SPIDR: variants seen among roughly 807,000 people sequenced by gnomAD.
The protein encoded by SPIDR is scaffold protein involved in DNA repair.
Under a neutral mutation model 104.6 loss-of-function variants are expected in SPIDR, and 93 were observed. The ratio of observed to expected loss-of-function variants is 0.89; its 90% CI spans 0.75 to 1.06. SPIDR has a LOEUF of 1.06. Among genes scored for constraint, SPIDR ranks in the 50% least tolerant of loss-of-function variants. SPIDR has a pLI of 0.00. For synonymous variants in SPIDR, 431 were observed against 416.9 expected, an observed-to-expected ratio of 1.03 and a Z score of -0.41; for missense variants, 1,154 against 1,111.2, an observed-to-expected ratio of 1.04 and a Z score of -0.55.
At chr8:47,587,011 C>A (rs2154416320) in intron 8 of SPIDR, among the ~76,000 whole-genome samples, 1 of 152,312 alleles carries the variant, frequency 6.6e-6, no homozygotes, top group East Asian at 1.9e-4. Context: ...CTCAGTTGAT[C>A]CGTCAGCCTT....
At chr8:47,678,830 A>G (rs1173615675) in intron 11 of SPIDR, among the ~76,000 whole-genome samples, 2 of 152,174 alleles carry the variant, frequency 1.3e-5, no homozygotes, top group Non-Finnish European at 2.9e-5. Flanking sequence ...TCTAAACACC[A>G]AATTTGATTT....
intron 5 of SPIDR, among the ~76,000 whole-genome samples, chr8:47,326,958 T>C (rs1204240378): frequency 2.0e-5 from 3 of 152,202 alleles, no homozygotes; most frequent in Non-Finnish European, 4.4e-5. Flanking sequence ...TGGATATATA[T>C]GAAGGAGTGA....
intron 7 of SPIDR, among the ~76,000 whole-genome samples, chr8:47,429,344 T>C (rs1167094191): frequency 6.6e-6 from 1 of 152,218 alleles, no homozygotes; most frequent in Non-Finnish European, 1.5e-5. Flanking sequence ...CATTTCTCAC[T>C]GCCCCCTTTC....
At position 47,345,455 on chromosome 8, in the gene SPIDR, C is replaced by T. The variant is rs1010321152; in HGVS notation, c.526-50921C>T. On this transcript the variant is annotated intron_variant, in intron 5 of 19. Transcript: ENST00000297423. The stretch of plus-strand genomic sequence containing the variant: ...TGACTTGGCAATGCGGGCTCTTTTT[C>T]GGTTCCATATGAACGCTAAAACACT... Among the ~76,000 whole-genome samples, 8 of 152,208 alleles carry T rather than the reference C, an allele frequency of 5.3e-5. No homozygotes were observed. The South Asian group carries it at 1.5e-3, about 28-fold the overall frequency.
intron 5 of SPIDR, among the ~76,000 whole-genome samples, chr8:47,380,756 G>GC (rs1436885113): frequency 1.3e-5 from 2 of 152,172 alleles, no homozygotes; most frequent in African/African-American, 4.8e-5. Context: ...AACTATGGGT[G>GC]TAGCTTGTTA....
intron 8 of SPIDR, chr8:47,592,285 T>C (rs1341736751): frequency 8.7e-6 from 10 of 1,145,870 alleles, no homozygotes; most frequent in African/African-American, 1.5e-5. Context: ...CCTGGGTTGA[T>C]AGCAGAACTG....
At chr8:47,274,122 A>G (rs1315229405) in intron 1 of SPIDR, among the ~76,000 whole-genome samples, 14 of 152,292 alleles carry the variant, frequency 9.2e-5, no homozygotes, top group Admixed American at 7.8e-4. Flanking sequence ...CACTTAGGAA[A>G]TTGCAAGAGT....
At chr8:47,581,530 T>G (rs2059692915) in intron 8 of SPIDR, among the ~76,000 whole-genome samples, 1 of 152,156 alleles carries the variant, frequency 6.6e-6, no homozygotes, top group South Asian at 2.1e-4. Flanking sequence ...TATCTCTCCC[T>G]GTATAAGGCG....
intron 5 of SPIDR, chr8:47,357,866 TGAA>T: frequency 1.0e-6 from 1 of 984,998 alleles, no homozygotes; most frequent in East Asian, 1.1e-4. Context: ...TAAGGCCACA[TGAA>T]GGTCAGTAAA....
chr8:47,656,026 A>G (rs1474065202), intron 10 of SPIDR, among the ~76,000 whole-genome samples: 5 of 152,226 alleles, frequency 3.3e-5, no homozygotes, highest in Admixed American at 3.3e-4. Context: ...TAAAAGAATT[A>G]AGGTGGACAC....
intron 8 of SPIDR, among the ~76,000 whole-genome samples, chr8:47,550,846 C>T (rs1018149972): frequency 2.6e-5 from 4 of 152,056 alleles, no homozygotes; most frequent in Admixed American, 6.5e-5. Flanking sequence ...TGTCTTGTGC[C>T]GGTTTTCAAA....
chr8:47,672,850 T>C (rs1342682386), intron 10 of SPIDR, among the ~76,000 whole-genome samples: 2 of 152,160 alleles, frequency 1.3e-5, no homozygotes, highest in East Asian at 1.9e-4. Context: ...GTAAAGGTGC[T>C]TTTTTTCAGA....
chr8:47,692,756 A>G (rs1589247756), intron 11 of SPIDR, among the ~76,000 whole-genome samples: 1 of 152,108 alleles, frequency 6.6e-6, no homozygotes, highest in Non-Finnish European at 1.5e-5. Flanking sequence ...CCAGAATTTC[A>G]TTCTTTTTAT....
At chr8:47,449,458 G>C (rs782487348) in intron 8 of SPIDR, among the ~76,000 whole-genome samples, 2 of 152,172 alleles carry the variant, frequency 1.3e-5, no homozygotes. Context: ...GAGCCCATGG[G>C]CCTATTCACA....
At chr8:47,659,234 G>T (rs2073588574) in intron 10 of SPIDR, among the ~76,000 whole-genome samples, 1 of 152,170 alleles carries the variant, frequency 6.6e-6, no homozygotes, top group Non-Finnish European at 1.5e-5. Flanking sequence ...ACTCCAGCCT[G>T]GGAGACGGAG....
At chr8:47,576,176 C>T (rs563981092) in intron 8 of SPIDR, among the ~76,000 whole-genome samples, 16 of 150,796 alleles carry the variant, frequency 1.1e-4, no homozygotes, top group South Asian at 2.1e-4. Context: ...TATTTTGAGA[C>T]GGAGTCTCAC....
Position 47,539,897 on chromosome 8 carries a change from T to G in SPIDR, c.1098-55914T>G, listed in dbSNP as rs560801815. 1.7e-4 allele frequency among the ~76,000 whole-genome samples: 26 copies of G among 152,260 alleles called. 1 individual carries two copies. The South Asian group carries it at 5.4e-3, about 32-fold the overall frequency. On this transcript the variant is annotated intron_variant, in intron 8 of 19. Coordinates refer to ENST00000297423, the MANE Select transcript of SPIDR (RefSeq NM_001080394.4). ...AAGCTGGCCTGGCCTTTCTAGTGCA[T>G]GGATTATGGATTGGACTGGCTTCCT...
chr8:47,290,296 A>G (rs2039672370), intron 3 of SPIDR, among the ~76,000 whole-genome samples: 1 of 152,188 alleles, frequency 6.6e-6, no homozygotes. Flanking sequence ...ACAAAATTAC[A>G]GAAATGCAAA....
intron 5 of SPIDR, among the ~76,000 whole-genome samples, chr8:47,345,088 G>A (rs1253022705): frequency 1.3e-5 from 2 of 152,120 alleles, no homozygotes; most frequent in African/African-American, 2.4e-5. Context: ...GGGTTTTTAT[G>A]GTTTCAGGTC....
Sources: gnomAD v4.1 joint callset for allele counts (sites outside exome capture counted in the v4.1 genomes callset) on GRCh38, gnomAD v4.1.1 for gene constraint, MANE v1.5 for transcripts, NCBI Gene and HGNC (gene_info 2026-07-23, HGNC 2026-07-21) for gene names.